PCDHGB7: variants seen among roughly 807,000 people sequenced by gnomAD.
PCDHGB7 encodes protocadherin gamma-B7.
In PCDHGB7, 37 loss-of-function variants were observed where a neutral mutation model predicts 61.4. The observed-to-expected ratio is 0.60, with a 90% confidence interval of 0.46 to 0.79. PCDHGB7 has a LOEUF of 0.79. PCDHGB7 is among the 30% of genes least tolerant of loss of function. The pLI, the probability that PCDHGB7 is intolerant of heterozygous loss-of-function variation, is 0.00. For missense variants in PCDHGB7, 1,166 were observed against 1,202.5 expected (o/e 0.97, Z 0.45); for synonymous variants, 464 against 503.5 (o/e 0.92, Z 1.05).
At chr5:141,425,484 TA>T (rs929097245) in intron 1 of PCDHGB7, among the ~76,000 whole-genome samples, 1 of 152,258 alleles carries the variant, frequency 6.6e-6, no homozygotes, top group African/African-American at 2.4e-5. Context: ...TATGGCAACC[TA>T]CTAGGCTATA....
In PCDHGB7 at chr5:141,450,548, G is replaced by A. The variant is rs186010209; in HGVS notation, c.2415+30274G>A. 3.3e-4 allele frequency among the ~76,000 whole-genome samples: 50 copies of A among 151,716 alleles called. 1 individual carries two copies. Among genetic ancestry groups the A allele is most frequent in the African/African-American group, 9.9e-4 (41 of 41,366 alleles). On this transcript the variant is annotated intron_variant, in intron 1 of 3. Transcript: ENST00000398594. ...GTCACCCAGGCTGGAATGCAGTGGC[G>A]CAGTCTCGGCTCACTGCAACTTCTG... is the stretch of plus-strand genomic sequence containing the variant.
At chr5:141,424,198 C>A (rs116187844) in intron 1 of PCDHGB7, 2 of 181,904 alleles carry the variant, frequency 1.1e-5, no homozygotes, top group South Asian at 1.9e-4. Context: ...CACTTATACA[C>A]GTAAGCTTTT....
chr5:141,445,093 A>G (rs987863232), intron 1 of PCDHGB7, among the ~76,000 whole-genome samples: 2 of 152,168 alleles, frequency 1.3e-5, no homozygotes, highest in Non-Finnish European at 2.9e-5. Flanking sequence ...TACATATTTG[A>G]TGTTTTCTAA....
chr5:141,478,633 TGATGAA>T, intron 1 of PCDHGB7: 4 of 1,553,032 alleles, frequency 2.6e-6, no homozygotes, highest in Non-Finnish European at 3.5e-6. Flanking sequence ...GTTTTTTTAG[TGATGAA>T]GATGTTTTCC....
rs1348847945 is a variant in PCDHGB7, at chr5:141,493,426, C to G, written c.2416-1381C>G. ...TGCCTCTGCTGGGATTTTGCTTCTG[C>G]TGGGATGGGGCAAGGGTGGGGTTCC... On this transcript the variant is annotated intron_variant, in intron 1 of 3. Transcript: ENST00000398594. The surrounding 1 kb of genome is among the most constrained non-coding windows in gnomAD (Gnocchi z 4.3). Among the ~76,000 whole-genome samples, 2 of 152,144 alleles carry G rather than the reference C, an allele frequency of 1.3e-5. No homozygotes were observed. The highest frequency in any genetic ancestry group is 4.8e-5 in the African/African-American group (2 of 41,424).
Position 141,489,341 on chromosome 5 carries a change from CAGT to C in PCDHGB7, c.2416-5465_2416-5463del. The stretch of plus-strand genomic sequence containing the variant: ...TGGGTGTCTGGGCAGCTTCGTTACT[CAGT>C]GGTGGAGGAGTCTGAGCCGGGGACG... On this transcript the variant is annotated intron_variant, in intron 1 of 3. Coordinates refer to ENST00000398594, the MANE Select transcript of PCDHGB7 (RefSeq NM_018927.4). This position sits in a 1 kb window ranked among gnomAD's most constrained non-coding sequence, Gnocchi z 4.5. The C allele has an allele frequency of 6.2e-7, 1 of 1,609,088 alleles. No homozygotes were observed. Among genetic ancestry groups the C allele is most frequent in the Non-Finnish European group, 8.5e-7 (1 of 1,176,770 alleles).
intron 1 of PCDHGB7, chr5:141,478,367 C>T (rs2099451272): frequency 1.2e-6 from 2 of 1,613,750 alleles, no homozygotes; most frequent in South Asian, 2.2e-5. Context: ...GCGGGGAGGC[C>T]TGATGTCGCC....
chr5:141,455,343 G>T (rs1462807460), intron 1 of PCDHGB7, among the ~76,000 whole-genome samples: 1 of 152,036 alleles, frequency 6.6e-6, no homozygotes, highest in Non-Finnish European at 1.5e-5. Flanking sequence ...TTTAAGGAGC[G>T]GAGAGTTTAA....
Position 141,432,123 on chromosome 5 carries a change from C to T in PCDHGB7, c.2415+11849C>T. 6.2e-7 allele frequency: 1 copy of T among 1,614,172 alleles called. No homozygotes were observed. The highest frequency in any genetic ancestry group is 8.5e-7 in the Non-Finnish European group (1 of 1,180,042). ...GACAACCCGCCGGTCTTCCCTCAGGCCTCCTATTCCGCTTATATCCCAGAG... is the reference window on the plus strand; with the variant it reads ...GACAACCCGCCGGTCTTCCCTCAGGTCTCCTATTCCGCTTATATCCCAGAG... On this transcript the variant is annotated intron_variant, in intron 1 of 3. Coordinates refer to ENST00000398594, the MANE Select transcript of PCDHGB7 (RefSeq NM_018927.4). The surrounding 1 kb of genome is among the most constrained non-coding windows in gnomAD (Gnocchi z 6.0).
intron 1 of PCDHGB7, 143 bp from the exon 2 acceptor site, chr5:141,494,664 A>T: frequency 6.7e-7 from 1 of 1,500,298 alleles, no homozygotes; most frequent in Non-Finnish European, 8.9e-7. Flanking sequence ...GTCTTTGGAG[A>T]TGAGTCCACC....
intron 1 of PCDHGB7, among the ~76,000 whole-genome samples, chr5:141,460,934 G>GTA (rs2099001529): frequency 2.7e-5 from 4 of 149,622 alleles, no homozygotes; most frequent in African/African-American, 9.9e-5. Context: ...ATGTGTGTGT[G>GTA]TATATATATG....
At chr5:141,492,216 C>T (rs1163022229) in intron 1 of PCDHGB7, among the ~76,000 whole-genome samples, 1 of 152,140 alleles carries the variant, frequency 6.6e-6, no homozygotes, top group Non-Finnish European at 1.5e-5. Context: ...GCGCGGGGCT[C>T]ATGCGTGTCC....
chr5:141,456,875 A>C (rs2098894225), intron 1 of PCDHGB7, among the ~76,000 whole-genome samples: 1 of 152,190 alleles, frequency 6.6e-6, no homozygotes, highest in African/African-American at 2.4e-5. Context: ...AGGCAGGAGA[A>C]TCGCTTGAAC....
In PCDHGB7 at chr5:141,488,647, T is replaced by TG. The variant is rs535492979; in HGVS notation, c.2416-6155dup. ...CTCACCTTAGCAGCATTCAGCAGGA[T>TG]GGGGGAGGGTGGGGGAATACATGGG... On this transcript the variant is annotated intron_variant, in intron 1 of 3. Transcript: ENST00000398594. Among the ~76,000 whole-genome samples, 173 of 152,088 alleles carry TG rather than the reference T, an allele frequency of 1.1e-3. 1 individual carries two copies. Among genetic ancestry groups the TG allele is most frequent in the African/African-American group, 3.9e-3 (160 of 41,492 alleles).
chr5:141,504,988 C>T (rs886919738), intron 2 of PCDHGB7, among the ~76,000 whole-genome samples: 2 of 152,036 alleles, frequency 1.3e-5, no homozygotes, highest in African/African-American at 4.8e-5. Context: ...ATGGTGAAAC[C>T]CCGTCTGTAC....
chr5:141,430,939 G>A, intron 1 of PCDHGB7: 1 of 1,607,854 alleles, frequency 6.2e-7, no homozygotes, highest in South Asian at 1.1e-5. Flanking sequence ...GGGAGCTCGC[G>A]GAGCGCGGAG....
Position 141,489,999 on chromosome 5 carries a change from GA to G in PCDHGB7, c.2416-4806del. On this transcript the variant is annotated intron_variant, in intron 1 of 3. Transcript: ENST00000398594. The surrounding 1 kb of genome is among the most constrained non-coding windows in gnomAD (Gnocchi z 4.5). ...CAGTTCTACGTGTGGGAATCCCAGA[GA>G]ATGCACCCATTGGTACTCTGCTGCT... 1 of 1,614,242 alleles carries G rather than the reference GA, an allele frequency of 6.2e-7. No individual in the cohort carries two copies. Among genetic ancestry groups the G allele is most frequent in the Non-Finnish European group, 8.5e-7 (1 of 1,180,032 alleles).
intron 1 of PCDHGB7, chr5:141,424,083 C>T (rs2096798692): frequency 4.2e-6 from 4 of 957,190 alleles, no homozygotes; most frequent in Non-Finnish European, 5.1e-6. Flanking sequence ...TATATTCCAC[C>T]ATTATTTGCT....
Position 141,491,260 on chromosome 5 carries a change from A to G in PCDHGB7, c.2416-3547A>G. On this transcript the variant is annotated intron_variant, in intron 1 of 3. Coordinates refer to ENST00000398594, the MANE Select transcript of PCDHGB7 (RefSeq NM_018927.4). This position sits in a 1 kb window ranked among gnomAD's most constrained non-coding sequence, Gnocchi z 6.9. ...TCTGGAGGATGAGGACCCTGAGGAA[A>G]TGCCCAAATCCAGTGACTTCCTCAT... 6.2e-7 allele frequency: 1 copy of G among 1,614,108 alleles called. No individual in the cohort carries two copies. The highest frequency in any genetic ancestry group is 1.7e-5 in the Admixed American group (1 of 60,028).
Sources: gnomAD v4.1 joint callset for allele counts (sites outside exome capture counted in the v4.1 genomes callset) on GRCh38, gnomAD v4.1.1 for gene constraint, Gnocchi (gnomAD v3.1) non-coding constraint, MANE v1.5 for transcripts, NCBI Gene and HGNC (gene_info 2026-07-23, HGNC 2026-07-21) for gene names.